Variants in MAP4K4 observed in about 807,000 individuals in gnomAD.
MAP4K4 encodes mitogen-activated protein kinase kinase kinase kinase 4, also known as HPK/GCK-like kinase HGK.
A neutral mutation model predicts 189.6 loss-of-function variants in MAP4K4; 38 were observed. The observed-to-expected ratio is 0.20, with a 90% CI of 0.15 to 0.26. The LOEUF is 0.26. Among genes scored for constraint, MAP4K4 ranks in the 10% least tolerant of loss-of-function variants. The probability of loss-of-function intolerance (pLI) is 1.00; values close to 1 mark genes in which losing one functional copy is unlikely to be tolerated. For synonymous variants in MAP4K4, 610 were observed against 624.3 expected (o/e 0.98, Z 0.34); for missense variants, 1,054 against 1,726.9 (o/e 0.61, Z 6.91).
At chr2:101,770,932 G>A (rs2081135515) in intron 2 of MAP4K4, among the ~76,000 whole-genome samples, 1 of 152,158 alleles carries the variant, frequency 6.6e-6, no homozygotes, top group Non-Finnish European at 1.5e-5. Context: ...TGCTTCTCGA[G>A]TGTCCTGTCT....
intron 5 of MAP4K4, among the ~76,000 whole-genome samples, chr2:101,826,762 A>G (rs1163964452): frequency 5.3e-5 from 8 of 152,198 alleles, no homozygotes; most frequent in African/African-American, 1.7e-4. Context: ...CCTCATCTAT[A>G]CATACCAACC....
intron 2 of MAP4K4, among the ~76,000 whole-genome samples, chr2:101,740,289 G>A (rs2062099938): frequency 8.0e-6 from 1 of 124,730 alleles, no homozygotes; most frequent in Non-Finnish European, 1.5e-5. Context: ...AAGTAGCTGG[G>A]ACTACAGGCG....
intron 2 of MAP4K4, among the ~76,000 whole-genome samples, chr2:101,738,877 T>A (rs2061519033): frequency 6.6e-6 from 1 of 152,060 alleles, no homozygotes; most frequent in African/African-American, 2.4e-5. Context: ...TTTTGTAGTT[T>A]CAAATTAGGG....
chr2:101,748,272 C>T (rs1324206036), intron 2 of MAP4K4, among the ~76,000 whole-genome samples: 1 of 152,126 alleles, frequency 6.6e-6, no homozygotes, highest in Middle Eastern at 3.2e-3. Flanking sequence ...TTTCCATTTG[C>T]ACATCTTCAA....
At chr2:101,892,569 C>A (rs2098585298) in exon 33 of MAP4K4, 2 of 282,988 alleles carry the variant, frequency 7.1e-6, no homozygotes, top group Non-Finnish European at 1.4e-5. Context: ...TTGCAGGAAC[C>A]TTTTCTTGGG....
chr2:101,764,983 T>C (rs987551500), intron 2 of MAP4K4, among the ~76,000 whole-genome samples: 2 of 152,226 alleles, frequency 1.3e-5, no homozygotes, highest in African/African-American at 4.8e-5. Context: ...GTAGGTAATA[T>C]ACCATTATCA....
At position 101,698,174 on chromosome 2, in the gene MAP4K4, CA is replaced by C. The variant is rs375488010; in HGVS notation, c.57+38del. On this transcript the variant is annotated intron_variant, in intron 1 of 32. Transcript: ENST00000324219. ...CGCGAGCGGGCGCGCGGGGAGCGGG[CA>C]GCCGGCAGCCGGCAGCCGGGGCCGC... is the stretch of plus-strand genomic sequence containing the variant. 21,120 of 920,490 alleles carry C rather than the reference CA, an allele frequency of 0.023. 1,195 individuals carry two copies. Among genetic ancestry groups the C allele is most frequent in the African/African-American group, 0.2 (11,406 of 56,484 alleles). The allele number at this position is 920,490 out of a possible 1,614,324, so 57.0% of individuals were successfully genotyped here.
chr2:101,753,441 A>C (rs1251648564), intron 2 of MAP4K4, among the ~76,000 whole-genome samples: 1 of 152,214 alleles, frequency 6.6e-6, no homozygotes, highest in Non-Finnish European at 1.5e-5. Context: ...TGCAGGCAAG[A>C]GGCTGTGGAA....
chr2:101,830,593 G>T (rs2096566911), intron 6 of MAP4K4, among the ~76,000 whole-genome samples: 1 of 152,106 alleles, frequency 6.6e-6, no homozygotes, highest in Admixed American at 6.5e-5. Flanking sequence ...TTACTTTCTT[G>T]CCTGTGGTTG....
At chr2:101,872,936 G>A (rs1414366436) in intron 24 of MAP4K4, among the ~76,000 whole-genome samples, 1 of 151,994 alleles carries the variant, frequency 6.6e-6, no homozygotes, top group Non-Finnish European at 1.5e-5. Flanking sequence ...TCACTAAACC[G>A]GCAAATTTAT....
intron 7 of MAP4K4, 21 bp downstream of exon 7, chr2:101,831,872 A>G: frequency 1.2e-6 from 2 of 1,610,844 alleles, no homozygotes; most frequent in Non-Finnish European, 1.7e-6. Context: ...CCTGCTCCGT[A>G]GGCCTTTGCA....
At chr2:101,842,903 C>G (rs2149572630) in intron 11 of MAP4K4, among the ~76,000 whole-genome samples, 1 of 152,212 alleles carries the variant, frequency 6.6e-6, no homozygotes, top group South Asian at 2.1e-4. Context: ...GTATTGTGTC[C>G]CCTTCTCCAG....
chr2:101,826,928 C>A (rs752305595), intron 5 of MAP4K4, among the ~76,000 whole-genome samples: 1 of 152,092 alleles, frequency 6.6e-6, no homozygotes, highest in Non-Finnish European at 1.5e-5. Flanking sequence ...TCCCCACCCA[C>A]GCACCCACAC....
chr2:101,720,722 A>C lies in MAP4K4; in HGVS notation c.123+22184A>C, dbSNP rs761035256. Among the ~76,000 whole-genome samples, 4 of 152,084 alleles carry C rather than the reference A, an allele frequency of 2.6e-5. 1 individual carries two copies. Among genetic ancestry groups the C allele is most frequent in the Admixed American group, 2.0e-4 (3 of 15,264 alleles). On this transcript the variant is annotated intron_variant, in intron 2 of 32. Coordinates refer to ENST00000324219, the Ensembl canonical transcript of MAP4K4. ...TTTATCATTTTTCTTTGATTTTTAG[A>C]TTGTGCTTTCTGAAAATTCAGATAT...
intron 13 of MAP4K4, among the ~76,000 whole-genome samples, chr2:101,856,514 CAGTA>C (rs1260333169): frequency 1.3e-5 from 2 of 151,858 alleles, no homozygotes; most frequent in African/African-American, 4.8e-5. Context: ...TAAAAACCAA[CAGTA>C]AGAAATTTCT....
rs548794042 is a variant in MAP4K4 at position 101,759,961 on chromosome 2, G to A, written c.124-30759G>A. On this transcript the variant is annotated intron_variant, in intron 2 of 32. Coordinates refer to ENST00000324219, the Ensembl canonical transcript of MAP4K4. ...TGGGCCCAAGTGATTCTCCTACCTCGGCCTCCTGAGTTGCTGGGAATACAG... is the reference window on the plus strand; with the variant it reads ...TGGGCCCAAGTGATTCTCCTACCTCAGCCTCCTGAGTTGCTGGGAATACAG... Among the ~76,000 whole-genome samples, 233 of 151,316 alleles carry A rather than the reference G, an allele frequency of 1.5e-3. 1 individual carries two copies. The highest frequency in any genetic ancestry group is 5.5e-3 in the African/African-American group (229 of 41,268).
chr2:101,783,127 A>G (rs181979382), intron 2 of MAP4K4, among the ~76,000 whole-genome samples: 21 of 152,290 alleles, frequency 1.4e-4, no homozygotes, highest in African/African-American at 4.8e-4. Context: ...TGGGGAGAGA[A>G]TGGACAGACC....
intron 5 of MAP4K4, among the ~76,000 whole-genome samples, chr2:101,825,943 G>A (rs1250432042): frequency 1.3e-5 from 2 of 152,226 alleles, no homozygotes; most frequent in African/African-American, 2.4e-5. Context: ...CTTAGAGTAA[G>A]TTTCTGAACT....
intron 8 of MAP4K4, 60 bp from the exon 9 acceptor site, chr2:101,835,840 C>A: frequency 8.7e-7 from 1 of 1,151,178 alleles, no homozygotes; most frequent in South Asian, 1.3e-5. Context: ...TGACTGAACC[C>A]TAGAAATCAA....
Sources: gnomAD v4.1 joint callset for allele counts (sites outside exome capture counted in the v4.1 genomes callset) on GRCh38, gnomAD v4.1.1 for gene constraint, MANE v1.5 for transcripts, NCBI Gene and HGNC (gene_info 2026-07-23, HGNC 2026-07-21) for gene names.